Variants in CSMD1 observed in about 807,000 individuals in gnomAD.
The protein encoded by CSMD1 is CUB and Sushi multiple domains 1.
CSMD1 carries 213 observed loss-of-function variants against 417.5 expected under a neutral mutation model. That is an observed-to-expected ratio of 0.51 (90% CI 0.46 to 0.57). The LOEUF (loss-of-function observed/expected upper bound fraction) is 0.57, where lower values mean the gene tolerates loss of function less well. CSMD1 is among the 20% of genes least tolerant of loss of function. The probability of loss-of-function intolerance (pLI) is 0.00; values close to 1 mark genes in which losing one functional copy is unlikely to be tolerated. For missense variants in CSMD1, 6,923 were observed against 4,529.7 expected, an observed-to-expected ratio of 1.53 and a Z score of -15.17; for synonymous variants, 2,862 against 1,736.8, an observed-to-expected ratio of 1.65 and a Z score of -16.11.
At chr8:4,104,081 G>C (rs995603280) in intron 3 of CSMD1, among the ~76,000 whole-genome samples, 1 of 152,198 alleles carries the variant, frequency 6.6e-6, no homozygotes, top group Non-Finnish European at 1.5e-5. Flanking sequence ...TCTCCCTCAA[G>C]ACACACAAAT....
In CSMD1 at chr8:3,018,635, C is replaced by T. The variant is rs151057129; in HGVS notation, c.7871G>A (p.Ser2624Asn). 9.0e-5 allele frequency: 145 copies of T among 1,612,480 alleles called. No individual in the cohort carries two copies. In the African/African-American group the frequency reaches 1.7e-3, roughly 19 times the overall value. Residue 2624 changes from serine to asparagine, a missense_variant, in exon 52 of 70, where the codon AGC becomes AAC. Coordinates refer to ENST00000635120, the MANE Select transcript of CSMD1 (RefSeq NM_033225.6). ...GTTGCCATTTGGGGGAAAGGAAAGGCTTCCACACGAGATAACTAGAAGGAA... is the reference window on the plus strand; with the variant it reads ...GTTGCCATTTGGGGGAAAGGAAAGGTTTCCACACGAGATAACTAGAAGGAA... ...RPSCRVISCG[S>N]LSFPPNGNKI...
intron 1 of CSMD1, among the ~76,000 whole-genome samples, chr8:4,971,569 G>C (rs1396380722): frequency 6.6e-6 from 1 of 151,890 alleles, no homozygotes; most frequent in Non-Finnish European, 1.5e-5. Flanking sequence ...AATATATTTA[G>C]CAGTAGGCTA....
chr8:3,144,911 C>T (rs943097476), intron 40 of CSMD1, among the ~76,000 whole-genome samples: 1 of 152,010 alleles, frequency 6.6e-6, no homozygotes, highest in Non-Finnish European at 1.5e-5. Flanking sequence ...CGCTCCTGGA[C>T]TGCCCAGCCA....
In CSMD1 at chr8:3,089,956, G is replaced by A. The variant is rs150589101; in HGVS notation, c.7285+1560C>T. On this transcript the variant is annotated intron_variant, in intron 48 of 69. Coordinates refer to ENST00000635120, the MANE Select transcript of CSMD1 (RefSeq NM_033225.6). Reference sequence around the variant, plus strand: ...CTGCAGGTAAAACAAGATAAATTATGTTCATCATGATTTTCTCTGAGCTGA... The same window carrying A: ...CTGCAGGTAAAACAAGATAAATTATATTCATCATGATTTTCTCTGAGCTGA... Among the ~76,000 whole-genome samples the A allele has an allele frequency of 8.3e-3, 1,267 of 152,252 alleles. 8 individuals are homozygous for A. The highest frequency in any genetic ancestry group is 0.014 in the Middle Eastern group (4 of 294).
At chr8:3,786,434 G>C (rs561419257) in intron 5 of CSMD1, among the ~76,000 whole-genome samples, 1 of 152,120 alleles carries the variant, frequency 6.6e-6, no homozygotes, top group Non-Finnish European at 1.5e-5. Flanking sequence ...AAGTACGAGA[G>C]AAAGCATCTG....
intron 6 of CSMD1, among the ~76,000 whole-genome samples, chr8:3,745,933 G>A (rs544608719): frequency 6.6e-6 from 1 of 152,268 alleles, no homozygotes; most frequent in African/African-American, 2.4e-5. Flanking sequence ...CAGCAGGCCG[G>A]GGGGAAAGGC....
At chr8:3,863,830 AT>A (rs1338051023) in intron 5 of CSMD1, among the ~76,000 whole-genome samples, 2 of 152,084 alleles carry the variant, frequency 1.3e-5, no homozygotes. Context: ...GAAAAAAAAA[AT>A]CAGAAAAAAC....
intron 3 of CSMD1, among the ~76,000 whole-genome samples, chr8:4,312,613 A>T (rs1798692676): frequency 6.8e-6 from 1 of 147,036 alleles, no homozygotes; most frequent in Non-Finnish European, 1.5e-5. Context: ...ACAGTGTCTC[A>T]CGCCTGTAAT....
chr8:3,939,642 T>C (rs973362733), intron 5 of CSMD1, among the ~76,000 whole-genome samples: 3 of 152,044 alleles, frequency 2.0e-5, no homozygotes, highest in Non-Finnish European at 4.4e-5. Flanking sequence ...AATTAGCAGA[T>C]AAAGAAAATG....
chr8:3,642,816 G>A (rs1797372222), intron 7 of CSMD1, among the ~76,000 whole-genome samples: 2 of 151,850 alleles, frequency 1.3e-5, no homozygotes, highest in Non-Finnish European at 2.9e-5. Flanking sequence ...AACCCCCAGA[G>A]ATGAAATTAT....
chr8:3,820,578 GTTGT>G (rs773287387), intron 5 of CSMD1, among the ~76,000 whole-genome samples: 7 of 152,162 alleles, frequency 4.6e-5, no homozygotes, highest in East Asian at 1.9e-4. Context: ...TGTTTTTGTT[GTTGT>G]TTGTTTGTTT....
At chr8:3,527,367 G>A (rs944791299) in intron 10 of CSMD1, among the ~76,000 whole-genome samples, 1 of 152,078 alleles carries the variant, frequency 6.6e-6, no homozygotes, top group African/African-American at 2.4e-5. Flanking sequence ...GTTACATAGT[G>A]TATGATTTCG....
chr8:4,670,397 T>A (rs1805220992), intron 1 of CSMD1, among the ~76,000 whole-genome samples: 1 of 152,074 alleles, frequency 6.6e-6, no homozygotes, highest in Non-Finnish European at 1.5e-5. Flanking sequence ...ATAAGTGAAG[T>A]CATGGGAAAG....
intron 3 of CSMD1, among the ~76,000 whole-genome samples, chr8:4,389,589 A>T (rs909211214): frequency 6.6e-6 from 1 of 152,336 alleles, no homozygotes; most frequent in African/African-American, 2.4e-5. Context: ...AAGAAATAAA[A>T]CATTTCAAGT....
In CSMD1 at chr8:4,554,279, G is replaced by C. The variant is rs956745189; in HGVS notation, c.302+83063C>G. On this transcript the variant is annotated intron_variant, in intron 2 of 69. Coordinates refer to ENST00000635120, the MANE Select transcript of CSMD1 (RefSeq NM_033225.6). ...AGCCTCCTGAGTAGCTGAGACTACA[G>C]GCATGCGTCACGATGCCCGGCTAAT... is the stretch of plus-strand genomic sequence containing the variant. Among the ~76,000 whole-genome samples, 3 of 152,036 alleles carry C rather than the reference G, an allele frequency of 2.0e-5. No individual in the cohort carries two copies. The East Asian group carries it at 5.8e-4, about 29-fold the overall frequency.
chr8:4,475,814 T>C (rs1800772630), intron 2 of CSMD1, among the ~76,000 whole-genome samples: 1 of 152,078 alleles, frequency 6.6e-6, no homozygotes, highest in Non-Finnish European at 1.5e-5. Context: ...GATTTCATTA[T>C]GTTGACCAGG....
At chr8:4,871,235 T>C (rs1482566650) in intron 1 of CSMD1, among the ~76,000 whole-genome samples, 1 of 152,134 alleles carries the variant, frequency 6.6e-6, no homozygotes, top group East Asian at 1.9e-4. Context: ...GGTCCAGAGC[T>C]AGCATGTGGC....
At chr8:4,147,259 G>C (rs1005713696) in intron 3 of CSMD1, among the ~76,000 whole-genome samples, 2 of 152,000 alleles carry the variant, frequency 1.3e-5, no homozygotes, top group East Asian at 1.9e-4. Flanking sequence ...ATCCTTCAGC[G>C]GCTCCTCCTC....
At chr8:3,639,579 G>T (rs1487801569) in intron 7 of CSMD1, among the ~76,000 whole-genome samples, 1 of 152,078 alleles carries the variant, frequency 6.6e-6, no homozygotes, top group African/African-American at 2.4e-5. Flanking sequence ...CCATCCAGAA[G>T]ATATATTACC....
Sources: gnomAD v4.1 joint callset for allele counts (sites outside exome capture counted in the v4.1 genomes callset) on GRCh38, gnomAD v4.1.1 for gene constraint, MANE v1.5 for transcripts, NCBI Gene and HGNC (gene_info 2026-07-23, HGNC 2026-07-21) for gene names.